Variants in DTNA observed in about 807,000 individuals in gnomAD.
DTNA encodes dystrophin-related protein 3.
A neutral mutation model predicts 100.7 loss-of-function variants in DTNA; 43 were observed. That is an observed-to-expected ratio of 0.43 (90% CI 0.33 to 0.55). The LOEUF is 0.55. Ranked by LOEUF, DTNA falls within the 20% of genes least tolerant of loss-of-function variation. The pLI is 0.04. For synonymous variants in DTNA, 349 were observed against 347.9 expected (o/e 1.00, Z -0.04); for missense variants, 798 against 953.9 (o/e 0.84, Z 2.15).
intron 1 of DTNA, among the ~76,000 whole-genome samples, chr18:34,498,262 A>G (rs892009694): frequency 8.6e-5 from 13 of 151,874 alleles, no homozygotes; most frequent in African/African-American, 3.1e-4. Context: ...AAAAATACGA[A>G]AACAAAAGAT....
At chr18:34,640,784 C>A (rs1460779791) in intron 1 of DTNA, among the ~76,000 whole-genome samples, 1 of 152,188 alleles carries the variant, frequency 6.6e-6, no homozygotes, top group Non-Finnish European at 1.5e-5. Context: ...TAGCCTACCC[C>A]AGAACTGGCT....
At chr18:34,749,434 A>G (rs984263501) in intron 1 of DTNA, among the ~76,000 whole-genome samples, 16 of 152,212 alleles carry the variant, frequency 1.1e-4, no homozygotes, top group African/African-American at 3.1e-4. Context: ...TCCCCCATTC[A>G]AGAAACTCTT....
chr18:34,599,339 G>T (rs2051294405), intron 1 of DTNA, among the ~76,000 whole-genome samples: 1 of 152,074 alleles, frequency 6.6e-6, no homozygotes, highest in Admixed American at 6.5e-5. Flanking sequence ...ATCTATAAAA[G>T]AACTCTAAAC....
At chr18:34,617,101 A>G (rs1249342430) in intron 1 of DTNA, among the ~76,000 whole-genome samples, 3 of 152,102 alleles carry the variant, frequency 2.0e-5, no homozygotes, top group Non-Finnish European at 2.9e-5. Context: ...TTCTGTTTGG[A>G]TGCATTCAAT....
intron 3 of DTNA, among the ~76,000 whole-genome samples, chr18:34,780,103 GTA>G (rs34875858): frequency 0.98 from 148,031 of 151,764 alleles, 72,300 homozygotes; most frequent in Non-Finnish European, 1. Context: ...ACAAAATCAA[GTA>G]TATATATATA....
intron 5 of DTNA, among the ~76,000 whole-genome samples, chr18:34,809,712 A>G (rs2095443996): frequency 6.6e-6 from 1 of 152,228 alleles, no homozygotes; most frequent in Admixed American, 6.5e-5. Context: ...TGGTGAACAC[A>G]GAGCAAGAAT....
At chr18:34,538,688 A>G (rs901589585) in intron 1 of DTNA, among the ~76,000 whole-genome samples, 1 of 152,202 alleles carries the variant, frequency 6.6e-6, no homozygotes, top group East Asian at 1.9e-4. Flanking sequence ...AATGCCTGAT[A>G]TATGGTAAAT....
intron 1 of DTNA, among the ~76,000 whole-genome samples, chr18:34,636,973 C>T (rs2058732879): frequency 6.6e-6 from 1 of 152,148 alleles, no homozygotes; most frequent in Admixed American, 6.5e-5. Flanking sequence ...TTGATTGGAA[C>T]TTCCAGGGTA....
chr18:34,600,288 GC>G (rs1240778892), intron 1 of DTNA, among the ~76,000 whole-genome samples: 2 of 152,080 alleles, frequency 1.3e-5, no homozygotes, highest in Non-Finnish European at 2.9e-5. Context: ...ACTGGACTTG[GC>G]ATTTTTGCAA....
At chr18:34,817,384 A>G (rs918906838) in intron 7 of DTNA, among the ~76,000 whole-genome samples, 1 of 152,202 alleles carries the variant, frequency 6.6e-6, no homozygotes, top group African/African-American at 2.4e-5. Flanking sequence ...CATAGCATGT[A>G]GACAATTACT....
At chr18:34,580,248 A>G (rs1412732191) in intron 1 of DTNA, among the ~76,000 whole-genome samples, 4 of 152,118 alleles carry the variant, frequency 2.6e-5, no homozygotes, top group Admixed American at 6.5e-5. Context: ...TCTTTTTAAC[A>G]TATCTATCAT....
chr18:34,721,671 G>A (rs1004615719), intron 1 of DTNA, among the ~76,000 whole-genome samples: 1 of 152,182 alleles, frequency 6.6e-6, no homozygotes, highest in Admixed American at 6.5e-5. Flanking sequence ...AAATTATCAT[G>A]AGCCCCAAAA....
At chr18:34,797,637 A>G (rs1002815940) in intron 4 of DTNA, among the ~76,000 whole-genome samples, 2 of 152,238 alleles carry the variant, frequency 1.3e-5, no homozygotes, top group Non-Finnish European at 2.9e-5. Flanking sequence ...TGTAGGAAAT[A>G]GAGAGTAACT....
intron 1 of DTNA, among the ~76,000 whole-genome samples, chr18:34,655,153 C>G (rs2144172627): frequency 6.6e-6 from 1 of 152,208 alleles, no homozygotes; most frequent in East Asian, 1.9e-4. Context: ...ATGTAAACCC[C>G]CGTTTAAGTA....
At chr18:34,714,783 G>A (rs542072028) in intron 1 of DTNA, among the ~76,000 whole-genome samples, 18 of 151,982 alleles carry the variant, frequency 1.2e-4, no homozygotes, top group East Asian at 3.9e-4. Flanking sequence ...CATTATTCAC[G>A]ATAGCAAAGA....
chr18:34,548,876 T>C (rs2045088237), intron 1 of DTNA, among the ~76,000 whole-genome samples: 1 of 152,132 alleles, frequency 6.6e-6, no homozygotes, highest in African/African-American at 2.4e-5. Flanking sequence ...GAGGAGATAA[T>C]GCCACTGGCC....
At chr18:34,814,540 C>T (rs2095554265) in intron 6 of DTNA, among the ~76,000 whole-genome samples, 1 of 149,842 alleles carries the variant, frequency 6.7e-6, no homozygotes, top group African/African-American at 2.5e-5. Context: ...AAAAATTAAA[C>T]AATTAGCCAG....
intron 2 of DTNA, 138 bp downstream of exon 2, chr18:34,756,181 G>A (rs1454490069): frequency 2.0e-6 from 2 of 1,014,378 alleles, no homozygotes; most frequent in Non-Finnish European, 2.9e-6. Context: ...GTACATTTTG[G>A]CCTTTTTTAC....
intron 1 of DTNA, among the ~76,000 whole-genome samples, chr18:34,571,601 A>C (rs1403213510): frequency 6.6e-6 from 1 of 152,074 alleles, no homozygotes; most frequent in Non-Finnish European, 1.5e-5. Flanking sequence ...AAAAAAGAAA[A>C]TCTTGAATAG....
Sources: gnomAD v4.1 joint callset for allele counts (sites outside exome capture counted in the v4.1 genomes callset) on GRCh38, gnomAD v4.1.1 for gene constraint, MANE v1.5 for transcripts, NCBI Gene and HGNC (gene_info 2026-07-23, HGNC 2026-07-21) for gene names.